The following APBA1 variants were observed in gnomAD, a reference collection of about 807,000 sequenced individuals.
APBA1 encodes amyloid-beta A4 precursor protein-binding family A member 1.
APBA1 carries 55 observed loss-of-function variants against 86.6 expected under a neutral mutation model. The observed-to-expected ratio is 0.64, with a 90% CI of 0.51 to 0.80. The LOEUF (loss-of-function observed/expected upper bound fraction) is 0.80, where lower values mean the gene tolerates loss of function less well. APBA1 is among the 30% of genes least tolerant of loss of function. The pLI is 0.00. For missense variants in APBA1, 1,090 were observed against 1,183.0 expected (o/e 0.92, Z 1.15); for synonymous variants, 511 against 493.9 (o/e 1.03, Z -0.46).
At chr9:69,510,573 T>C (rs1167998556) in intron 2 of APBA1, among the ~76,000 whole-genome samples, 1 of 138,814 alleles carries the variant, frequency 7.2e-6, no homozygotes, top group Non-Finnish European at 1.5e-5. Context: ...AAAAACTACT[T>C]TAAAGTTCAT....
At chr9:69,521,498 G>T (rs1047321594) in intron 1 of APBA1, among the ~76,000 whole-genome samples, 1 of 152,174 alleles carries the variant, frequency 6.6e-6, no homozygotes, top group African/African-American at 2.4e-5. Flanking sequence ...GCCAGAGGAG[G>T]CTTCCCTGCT....
intron 2 of APBA1, among the ~76,000 whole-genome samples, chr9:69,483,538 CAAA>C (rs1018382557): frequency 2.0e-5 from 3 of 151,608 alleles, no homozygotes; most frequent in African/African-American, 7.3e-5. Flanking sequence ...AACAAACAAA[CAAA>C]AAAATCTTTT....
Position 69,467,894 on chromosome 9 carries a change from G to A in APBA1, c.1411C>T (p.Leu471=). 2 of 1,614,188 alleles carry A rather than the reference G, an allele frequency of 1.2e-6. No individual in the cohort carries two copies. The highest frequency in any genetic ancestry group is 1.7e-6 in the Non-Finnish European group (2 of 1,180,038). The change falls in exon 5 of 13, where the codon CTG becomes TTG. Residue 471 remains leucine, a synonymous_variant. Transcript: ENST00000265381. The stretch of plus-strand genomic sequence containing the variant: ...TTGGAAGGAGTTTTGTCTGAGAGCA[G>A]CTGAGTGGAGCCAAGGTAATTGGCG... ...FAANYLGSTQ[L]LSDKTPSKNV...
intron 11 of APBA1, among the ~76,000 whole-genome samples, chr9:69,434,284 GC>G (rs1479906471): frequency 6.6e-6 from 1 of 152,168 alleles, no homozygotes; most frequent in Non-Finnish European, 1.5e-5. Context: ...AGGCAGTCCT[GC>G]ATGTCACAGA....
intron 8 of APBA1, among the ~76,000 whole-genome samples, chr9:69,454,333 A>G (rs1253535355): frequency 6.6e-6 from 1 of 152,222 alleles, no homozygotes; most frequent in African/African-American, 2.4e-5. Flanking sequence ...TGAAAAATAT[A>G]TACCTGGGAA....
chr9:69,433,351 G>C (rs1834638571), intron 11 of APBA1, among the ~76,000 whole-genome samples: 1 of 152,216 alleles, frequency 6.6e-6, no homozygotes, highest in Non-Finnish European at 1.5e-5. Flanking sequence ...TCCCAAAAGA[G>C]TAGGTCTGAA....
intron 10 of APBA1, among the ~76,000 whole-genome samples, chr9:69,442,259 A>T (rs1354233911): frequency 6.6e-6 from 1 of 152,226 alleles, no homozygotes; most frequent in African/African-American, 2.4e-5. Context: ...GGTATGCAGG[A>T]GGATCATGTT....
intron 1 of APBA1, among the ~76,000 whole-genome samples, chr9:69,540,160 A>ACAACAACAAAG: frequency 6.6e-6 from 1 of 151,974 alleles, no homozygotes; most frequent in Middle Eastern, 3.2e-3. Context: ...CAACAACAAA[A>ACAACAACAAAG]GTCACCTTAT....
intron 11 of APBA1, among the ~76,000 whole-genome samples, chr9:69,436,220 C>T (rs1588281394): frequency 6.7e-6 from 1 of 149,982 alleles, no homozygotes; most frequent in South Asian, 2.1e-4. Context: ...CGTGATGCCT[C>T]CAGCTTTGTT....
chr9:69,482,213 A>C (rs1384572891), intron 2 of APBA1, among the ~76,000 whole-genome samples: 1 of 152,118 alleles, frequency 6.6e-6, no homozygotes, highest in Non-Finnish European at 1.5e-5. Flanking sequence ...AAATTTTTGC[A>C]ACCTACTCAT....
At position 69,528,383 on chromosome 9, in the gene APBA1, TC is replaced by T. The variant is rs139129963; in HGVS notation, c.-69-11105del. Among the ~76,000 whole-genome samples the T allele has an allele frequency of 4.4e-3, 671 of 152,176 alleles. 2 individuals are homozygous for T. The highest frequency in any genetic ancestry group is 0.015 in the African/African-American group (627 of 41,566). On this transcript the variant is annotated intron_variant, in intron 1 of 12. Transcript: ENST00000265381. Reference sequence around the variant, plus strand: ...TTCTTATTGTCTAGCACTTTAACAATCCAATCATTCATTTATCATTCTGATT... The same window carrying T: ...TTCTTATTGTCTAGCACTTTAACAATCAATCATTCATTTATCATTCTGATT...
chr9:69,611,927 A>G (rs2133982715), intron 1 of APBA1, among the ~76,000 whole-genome samples: 1 of 152,326 alleles, frequency 6.6e-6, no homozygotes, highest in Non-Finnish European at 1.5e-5. Context: ...TAATTAACAA[A>G]TAAGCTAGTT....
chr9:69,634,989 C>A (rs1823126033), intron 1 of APBA1, among the ~76,000 whole-genome samples: 1 of 152,052 alleles, frequency 6.6e-6, no homozygotes, highest in African/African-American at 2.4e-5. Context: ...GTACTTCAGT[C>A]TGAAAGAAAA....
chr9:69,489,322 C>A lies in APBA1; in HGVS notation c.1201-13179G>T, dbSNP rs866862023. Among the ~76,000 whole-genome samples, 10 of 152,152 alleles carry A rather than the reference C, an allele frequency of 6.6e-5. 1 individual carries two copies. The highest frequency in any genetic ancestry group is 6.2e-4 in the South Asian group (3 of 4,818). On this transcript the variant is annotated intron_variant, in intron 2 of 12. Coordinates refer to ENST00000265381, the MANE Select transcript of APBA1 (RefSeq NM_001163.4). ...CAGAACAGAGCCCTCAGAAATAATA[C>A]CACACATCTACAACCATCTGATCTT...
At chr9:69,626,581 TA>T (rs1822935782) in intron 1 of APBA1, among the ~76,000 whole-genome samples, 1 of 151,876 alleles carries the variant, frequency 6.6e-6, no homozygotes, top group African/African-American at 2.4e-5. Flanking sequence ...TCCTGAAAAA[TA>T]TGGAATAGAA....
intron 1 of APBA1, among the ~76,000 whole-genome samples, chr9:69,613,930 A>T (rs1822643994): frequency 6.6e-6 from 1 of 152,202 alleles, no homozygotes; most frequent in South Asian, 2.1e-4. Flanking sequence ...CGTAAGGAGA[A>T]GCAATCACAT....
intron 1 of APBA1, among the ~76,000 whole-genome samples, chr9:69,573,718 T>G (rs1837152020): frequency 6.6e-6 from 1 of 152,204 alleles, no homozygotes. Flanking sequence ...TCTGACAATT[T>G]CCAAGCTGCA....
intron 1 of APBA1, among the ~76,000 whole-genome samples, chr9:69,596,502 C>A (rs1822232975): frequency 6.6e-6 from 1 of 152,164 alleles, no homozygotes; most frequent in Admixed American, 6.6e-5. Context: ...CAGATTATGG[C>A]TAGCATAATA....
At chr9:69,636,828 A>AGAGAGGGAGGGAGGGAGG (rs1823174779) in intron 1 of APBA1, among the ~76,000 whole-genome samples, 1 of 7,132 alleles carries the variant, frequency 1.4e-4, no homozygotes, top group East Asian at 5.6e-3. Context: ...AGAGAGAGAG[A>AGAGAGGGAGGGAGGGAGG]GAGGGAGGGA....
Sources: gnomAD v4.1 joint callset for allele counts (sites outside exome capture counted in the v4.1 genomes callset) on GRCh38, gnomAD v4.1.1 for gene constraint, MANE v1.5 for transcripts, NCBI Gene and HGNC (gene_info 2026-07-23, HGNC 2026-07-21) for gene names.